Variants in KCNH5 observed in about 807,000 individuals in gnomAD.
KCNH5 encodes the protein potassium voltage-gated channel subfamily H member 5.
Under a neutral mutation model 96.1 loss-of-function variants are expected in KCNH5, and 46 were observed. The observed-to-expected ratio is 0.48, with a 90% CI of 0.38 to 0.61. KCNH5 has a LOEUF of 0.61. Ranked by LOEUF, KCNH5 falls within the 20% of genes least tolerant of loss-of-function variation. The pLI is 0.00. For synonymous variants in KCNH5, 439 were observed against 449.8 expected (o/e 0.98, Z 0.30); for missense variants, 907 against 1,225.8 (o/e 0.74, Z 3.88).
intron 10 of KCNH5, among the ~76,000 whole-genome samples, chr14:62,731,311 A>G (rs1168812630): frequency 6.6e-6 from 1 of 151,632 alleles, no homozygotes; most frequent in Non-Finnish European, 1.5e-5. Context: ...AAAAATAATA[A>G]TAATAATAAA....
At chr14:62,977,199 T>TA (rs779156752) in intron 6 of KCNH5, among the ~76,000 whole-genome samples, 2 of 151,736 alleles carry the variant, frequency 1.3e-5, no homozygotes, top group African/African-American at 2.4e-5. Flanking sequence ...GGTGAAATAC[T>TA]AAAAAAATTT....
intron 10 of KCNH5, among the ~76,000 whole-genome samples, chr14:62,770,253 G>A (rs1257317238): frequency 6.6e-6 from 1 of 152,152 alleles, no homozygotes; most frequent in African/African-American, 2.4e-5. Flanking sequence ...TCCAATTCCA[G>A]TATGTTTTTC....
At chr14:62,935,738 T>C (rs8019319) in intron 7 of KCNH5, among the ~76,000 whole-genome samples, 7,929 of 152,246 alleles carry the variant, frequency 0.052, 683 homozygotes, top group African/African-American at 0.18. Context: ...CAGTCCAATC[T>C]GGTACAGAGA....
chr14:62,850,339 T>C (rs572319814), intron 7 of KCNH5, among the ~76,000 whole-genome samples: 1 of 152,290 alleles, frequency 6.6e-6, no homozygotes, highest in East Asian at 1.9e-4. Context: ...GTTATAAATA[T>C]TTTTGACAGA....
intron 1 of KCNH5, among the ~76,000 whole-genome samples, chr14:63,034,702 C>T (rs1168216005): frequency 2.0e-5 from 3 of 152,148 alleles, no homozygotes; most frequent in East Asian, 3.8e-4. Flanking sequence ...ATCAAAGGTA[C>T]ATTTTTTAAG....
intron 7 of KCNH5, among the ~76,000 whole-genome samples, chr14:62,879,682 T>A (rs576997840): frequency 3.3e-5 from 5 of 152,296 alleles, no homozygotes; most frequent in Admixed American, 2.0e-4. Context: ...CTCTGCTCTT[T>A]ACCCAGTATC....
intron 2 of KCNH5, among the ~76,000 whole-genome samples, chr14:63,008,252 A>G (rs1327907511): frequency 1.3e-5 from 2 of 152,162 alleles, no homozygotes; most frequent in South Asian, 2.1e-4. Flanking sequence ...GAAAAAGAAT[A>G]CAAAATTATA....
intron 3 of KCNH5, among the ~76,000 whole-genome samples, chr14:63,004,930 T>C (rs977856067): frequency 6.6e-6 from 1 of 152,264 alleles, no homozygotes; most frequent in African/African-American, 2.4e-5. Flanking sequence ...ACCTTAGTTA[T>C]ATAGAATATT....
At chr14:62,853,140 T>C (rs1887841365) in intron 7 of KCNH5, among the ~76,000 whole-genome samples, 1 of 152,156 alleles carries the variant, frequency 6.6e-6, no homozygotes, top group Admixed American at 6.5e-5. Context: ...ATTCATCTCC[T>C]ATATCTGATC....
At chr14:62,906,884 C>T (rs1303590034) in intron 7 of KCNH5, among the ~76,000 whole-genome samples, 1 of 152,092 alleles carries the variant, frequency 6.6e-6, no homozygotes, top group Non-Finnish European at 1.5e-5. Flanking sequence ...CCAACCGACC[C>T]CAAAGTGTTC....
At chr14:62,833,332 G>C (rs920153901) in intron 8 of KCNH5, among the ~76,000 whole-genome samples, 1 of 151,588 alleles carries the variant, frequency 6.6e-6, no homozygotes, top group African/African-American at 2.4e-5. Context: ...ATAATATAGG[G>C]GTTTAAGTTC....
intron 7 of KCNH5, among the ~76,000 whole-genome samples, chr14:62,893,693 T>C (rs1441753566): frequency 2.0e-5 from 3 of 152,134 alleles, no homozygotes; most frequent in African/African-American, 7.2e-5. Context: ...GAGGCTGCAG[T>C]GAGCTGAGAT....
chr14:62,753,833 G>A (rs942421058), intron 10 of KCNH5, among the ~76,000 whole-genome samples: 6 of 152,152 alleles, frequency 3.9e-5, no homozygotes, highest in Non-Finnish European at 8.8e-5. Flanking sequence ...TGTCCTACAA[G>A]AAATGCTAAA....
chr14:62,941,708 G>A lies in KCNH5; in HGVS notation c.1369+8425C>T, dbSNP rs141700393. Among the ~76,000 whole-genome samples the A allele has an allele frequency of 1.4e-4, 21 of 152,160 alleles. No homozygotes were observed. The East Asian group carries it at 3.9e-3, about 28-fold the overall frequency. On this transcript the variant is annotated intron_variant, in intron 7 of 10. Coordinates refer to ENST00000322893, the MANE Select transcript of KCNH5 (RefSeq NM_139318.5). ...ACACACTGCATTTTCTACCTACACC[G>A]CAATAACAAGGCCAAGACAAATTTT... is the stretch of plus-strand genomic sequence containing the variant.
rs546609975 is a variant in KCNH5 at position 63,020,466 on chromosome 14, C to T, written c.74-3512G>A. On this transcript the variant is annotated intron_variant, in intron 1 of 10. Transcript: ENST00000322893. ...CCATATTTACACAAGGAGTACTACTCAGCTCTAAAATGGAACAAAAAACTT... is the reference window on the plus strand; with the variant it reads ...CCATATTTACACAAGGAGTACTACTTAGCTCTAAAATGGAACAAAAAACTT... 1.7e-4 allele frequency among the ~76,000 whole-genome samples: 26 copies of T among 152,148 alleles called. No homozygotes were observed. In the South Asian group the frequency reaches 5.2e-3, roughly 30 times the overall value.
At chr14:62,808,357 GTAT>G (rs1886811274) in intron 8 of KCNH5, among the ~76,000 whole-genome samples, 2 of 152,028 alleles carry the variant, frequency 1.3e-5, no homozygotes, top group African/African-American at 4.8e-5. Context: ...AGTTAAAGAG[GTAT>G]TATTCAGTTT....
intron 7 of KCNH5, among the ~76,000 whole-genome samples, chr14:62,925,945 A>G (rs1210885016): frequency 1.3e-5 from 2 of 152,142 alleles, no homozygotes; most frequent in Non-Finnish European, 2.9e-5. Context: ...TCAATGTATA[A>G]ATTAGAGGCA....
intron 4 of KCNH5, among the ~76,000 whole-genome samples, chr14:62,993,114 A>C (rs1266682080): frequency 1.3e-5 from 2 of 152,044 alleles, no homozygotes; most frequent in African/African-American, 4.8e-5. Context: ...GTCAAAGATC[A>C]GTTGTCTGTA....
At chr14:63,007,565 T>G (rs1451873539) in intron 2 of KCNH5, among the ~76,000 whole-genome samples, 1 of 152,200 alleles carries the variant, frequency 6.6e-6, no homozygotes, top group East Asian at 1.9e-4. Flanking sequence ...GAGTTTTTAT[T>G]GTTTTGACAA....
Sources: gnomAD v4.1 joint callset for allele counts (sites outside exome capture counted in the v4.1 genomes callset) on GRCh38, gnomAD v4.1.1 for gene constraint, MANE v1.5 for transcripts, NCBI Gene and HGNC (gene_info 2026-07-23, HGNC 2026-07-21) for gene names.